Variants in DOCK8 observed in about 807,000 individuals in gnomAD.
DOCK8 encodes dedicator of cytokinesis 8.
Under a neutral mutation model 245.6 loss-of-function variants are expected in DOCK8, and 141 were observed. The ratio of observed to expected loss-of-function variants is 0.57; its 90% CI spans 0.50 to 0.66. The LOEUF (loss-of-function observed/expected upper bound fraction) is 0.66, where lower values mean the gene tolerates loss of function less well. DOCK8 is among the 30% of genes least tolerant of loss of function. The probability of loss-of-function intolerance (pLI) is 0.00; values close to 1 mark genes in which losing one functional copy is unlikely to be tolerated. For synonymous variants in DOCK8, 1,168 were observed against 970.2 expected (o/e 1.20, Z -3.79); for missense variants, 2,965 against 2,603.4 (o/e 1.14, Z -3.02).
At chr9:217,030 G>A (rs2046772219) in intron 1 of DOCK8, among the ~76,000 whole-genome samples, 1 of 152,130 alleles carries the variant, frequency 6.6e-6, no homozygotes, top group African/African-American at 2.4e-5. Context: ...TACTTCTTAT[G>A]ACTGTGGGGA....
intron 29 of DOCK8, among the ~76,000 whole-genome samples, chr9:415,692 GCACA>G (rs140525484): frequency 2.0e-4 from 30 of 151,088 alleles, no homozygotes; most frequent in African/African-American, 4.1e-4. Context: ...GTGCGCGCGT[GCACA>G]CACACACACA....
At chr9:400,000 ACCACCTC>A (rs2054683111) in intron 26 of DOCK8, among the ~76,000 whole-genome samples, 1 of 105,764 alleles carries the variant, frequency 9.5e-6, no homozygotes. Flanking sequence ...CACCACCTCC[ACCACCTC>A]CACCATCACC....
chr9:390,757 C>T (rs547191736), intron 24 of DOCK8, among the ~76,000 whole-genome samples, 191 bp downstream of exon 24: 1 of 152,124 alleles, frequency 6.6e-6, no homozygotes, highest in Non-Finnish European at 1.5e-5. Context: ...AAATCTATCG[C>T]CGTCCTGTGA....
chr9:403,987 T>C (rs1294355579), intron 26 of DOCK8, among the ~76,000 whole-genome samples: 8 of 93,844 alleles, frequency 8.5e-5, no homozygotes, highest in African/African-American at 4.2e-4. Flanking sequence ...TGTATATATA[T>C]ATATGTGTAT....
rs1266806243 is a variant in DOCK8 at position 405,008 on chromosome 9, C to A, written c.3325C>A (p.Leu1109Met). The A allele has an allele frequency of 1.2e-6, 2 of 1,614,048 alleles. No individual in the cohort carries two copies. Among genetic ancestry groups the A allele is most frequent in the Non-Finnish European group, 1.7e-6 (2 of 1,179,954 alleles). Residue 1109 changes from leucine (L) to methionine (M), a missense_variant, in exon 27 of 48, where the codon CTG (leucine) becomes ATG (methionine). Leu to Met is a conservative substitution (Grantham distance 15, BLOSUM62 2). Around this residue, in one of 3 missense-constraint regions of DOCK8, gnomAD observed 2,825 missense variants for 2,453.5 expected, o/e 1.15. Transcript: ENST00000432829. ...CTGTAGCCATGAGCATTACCTCAAT[C>A]TGAACCTTTTTTTTATGAATGCTGA... is the stretch of plus-strand genomic sequence containing the variant. ...ILCSHEHYLN[L>M]NLFFMNADTA...
intron 14 of DOCK8, among the ~76,000 whole-genome samples, chr9:367,316 G>T (rs1315841457): frequency 6.6e-6 from 1 of 152,152 alleles, no homozygotes; most frequent in African/African-American, 2.4e-5. Flanking sequence ...CTGTTCTAGT[G>T]CTGGAGATAC....
chr9:251,753 CTAACGATCAGACAGAAAGCACTCAT>C, intron 1 of DOCK8, among the ~76,000 whole-genome samples: 1 of 152,208 alleles, frequency 6.6e-6, no homozygotes, highest in South Asian at 2.1e-4. Context: ...ACTACATGGG[CTAACGATCAGACAGAAAGCACTCAT>C]TAAGTGTGAC....
chr9:288,974 G>A (rs1450207971), intron 3 of DOCK8, among the ~76,000 whole-genome samples: 1 of 152,182 alleles, frequency 6.6e-6, no homozygotes, highest in Non-Finnish European at 1.5e-5. Flanking sequence ...CACTTGAAGA[G>A]TATTGCTCAT....
chr9:268,644 A>T (rs765201319), intron 1 of DOCK8, among the ~76,000 whole-genome samples: 11 of 152,326 alleles, frequency 7.2e-5, no homozygotes, highest in Non-Finnish European at 1.3e-4. Flanking sequence ...AAGCTAAGAC[A>T]TGTTATTTGA....
intron 1 of DOCK8, among the ~76,000 whole-genome samples, chr9:252,461 G>A (rs2047672436): frequency 6.6e-6 from 1 of 152,082 alleles, no homozygotes. Context: ...AAGTTAGCAT[G>A]AGAATATTGA....
chr9:441,874 G>C lies in DOCK8; in HGVS notation c.5356-1G>C. 6.2e-7 allele frequency: 1 copy of C among 1,614,106 alleles called. No individual in the cohort carries two copies. Among genetic ancestry groups the C allele is most frequent in the Non-Finnish European group, 8.5e-7 (1 of 1,180,030 alleles). On this transcript the variant is annotated splice_acceptor_variant, in intron 41 of 47. Transcript: ENST00000432829. LOFTEE classifies it high-confidence loss of function. ...AGAGCTTTTTATATTTTGTTCCTCA[G>C]GATCATAAGAGAATGTTTGGAACCT...
chr9:239,826 A>T (rs1421120007), intron 1 of DOCK8, among the ~76,000 whole-genome samples: 2 of 152,174 alleles, frequency 1.3e-5, no homozygotes, highest in Admixed American at 6.5e-5. Flanking sequence ...TTTTTTATTT[A>T]AAAAATATCA....
At chr9:213,482 T>G, upstream of DOCK8, 1 of 152,202 alleles carries the variant, frequency 6.6e-6, no homozygotes. Flanking sequence ...AACAAACAGG[T>G]GAAATTAACT....
At chr9:331,409 T>C (rs577149884) in intron 9 of DOCK8, among the ~76,000 whole-genome samples, 2 of 152,244 alleles carry the variant, frequency 1.3e-5, no homozygotes, top group African/African-American at 2.4e-5. Context: ...CAGATATTCA[T>C]TGAGTAGCCT....
intron 40 of DOCK8, among the ~76,000 whole-genome samples, chr9:440,180 G>A (rs1017026114): frequency 1.3e-5 from 2 of 151,968 alleles, no homozygotes; most frequent in Admixed American, 6.6e-5. Context: ...CACCACACTC[G>A]GCCAATTTTT....
chr9:359,035 T>C (rs2052588881), intron 14 of DOCK8, among the ~76,000 whole-genome samples: 1 of 152,230 alleles, frequency 6.6e-6, no homozygotes, highest in Non-Finnish European at 1.5e-5. Flanking sequence ...ATTGTTAAAA[T>C]GTAGGTTCTC....
intron 14 of DOCK8, among the ~76,000 whole-genome samples, chr9:350,170 T>C (rs933857708): frequency 6.6e-6 from 1 of 152,196 alleles, no homozygotes; most frequent in Non-Finnish European, 1.5e-5. Flanking sequence ...TGGAGTGCAG[T>C]GGTACGATTC....
At chr9:406,533 C>CCTTAAA (rs1195875390) in intron 27 of DOCK8, among the ~76,000 whole-genome samples, 1 of 150,470 alleles carries the variant, frequency 6.6e-6, no homozygotes, top group Non-Finnish European at 1.5e-5. Context: ...GTAAGCAGGG[C>CCTTAAA]CTTAAACAAA....
At chr9:403,993 T>C (rs867602272) in intron 26 of DOCK8, among the ~76,000 whole-genome samples, 1,467 of 90,742 alleles carry the variant, frequency 0.016, 86 homozygotes, top group African/African-American at 0.077. Flanking sequence ...TATATATATG[T>C]GTATATATAT....
Sources: allele counts gnomAD v4.1 joint callset (sites outside exome capture counted in the v4.1 genomes callset), GRCh38; gene constraint gnomAD v4.1.1; regional missense constraint gnomAD v4.1.1; transcripts MANE v1.5; gene names NCBI Gene and HGNC (gene_info 2026-07-23, HGNC 2026-07-21).